Variants in GABRG3 observed in about 807,000 individuals in gnomAD.
GABRG3 encodes gamma-aminobutyric acid type A receptor subunit gamma3, also known as gamma-aminobutyric acid receptor subunit gamma-3.
In GABRG3, 25 loss-of-function variants were observed where a neutral mutation model predicts 48.8. The observed-to-expected ratio is 0.51, with a 90% CI of 0.37 to 0.72. The LOEUF is 0.72. GABRG3 is among the 30% of genes least tolerant of loss of function. The pLI is 0.00. For synonymous variants in GABRG3, 227 were observed against 217.6 expected (o/e 1.04, Z -0.38); for missense variants, 394 against 577.9 (o/e 0.68, Z 3.26).
chr15:27,216,733 C>CTTTTTTTTTT (rs200517386), intron 3 of GABRG3, among the ~76,000 whole-genome samples: 2 of 103,894 alleles, frequency 1.9e-5, no homozygotes, highest in Admixed American at 9.5e-5. Context: ...CAATTCATTT[C>CTTTTTTTTTT]TTTTTTTTTT....
chr15:27,017,841 G>T (rs958957380), intron 2 of GABRG3, among the ~76,000 whole-genome samples: 1 of 152,162 alleles, frequency 6.6e-6, no homozygotes, highest in Non-Finnish European at 1.5e-5. Context: ...AGGGTCTGGG[G>T]CTTTCTACTC....
chr15:27,127,621 T>C (rs189667456), intron 3 of GABRG3, among the ~76,000 whole-genome samples: 2 of 152,264 alleles, frequency 1.3e-5, no homozygotes, highest in Admixed American at 6.5e-5. Flanking sequence ...ACGAACAGAA[T>C]GCCAGCCCCC....
intron 5 of GABRG3, among the ~76,000 whole-genome samples, chr15:27,405,445 G>C (rs1310506280): frequency 1.3e-5 from 2 of 152,188 alleles, no homozygotes; most frequent in Admixed American, 1.3e-4. Flanking sequence ...TATTTGTTAA[G>C]TGTGGGGGGT....
intron 5 of GABRG3, among the ~76,000 whole-genome samples, chr15:27,388,612 G>T (rs571762105): frequency 6.6e-6 from 1 of 152,172 alleles, no homozygotes; most frequent in African/African-American, 2.4e-5. Context: ...TCAAAGAGCT[G>T]TGGGGTGCTG....
At chr15:27,409,076 T>C (rs1355418094) in intron 5 of GABRG3, among the ~76,000 whole-genome samples, 1 of 152,140 alleles carries the variant, frequency 6.6e-6, no homozygotes, top group Non-Finnish European at 1.5e-5. Flanking sequence ...TTTATCCTAA[T>C]ACCAGGGTTT....
At chr15:27,016,042 A>G (rs1013976033) in intron 2 of GABRG3, among the ~76,000 whole-genome samples, 5 of 152,048 alleles carry the variant, frequency 3.3e-5, no homozygotes, top group African/African-American at 4.8e-5. Context: ...TTTTATAATT[A>G]CTTTTTATGC....
chr15:27,484,000 T>A (rs1213479732), intron 6 of GABRG3, among the ~76,000 whole-genome samples: 2 of 152,152 alleles, frequency 1.3e-5, no homozygotes, highest in Non-Finnish European at 2.9e-5. Context: ...AATGGCACGA[T>A]CTCGACTCAC....
intron 5 of GABRG3, among the ~76,000 whole-genome samples, chr15:27,479,944 G>A (rs1483989137): frequency 2.6e-5 from 4 of 152,230 alleles, no homozygotes; most frequent in Admixed American, 1.3e-4. Flanking sequence ...TAGAAAAGCA[G>A]GCATCTGGCA....
chr15:27,381,517 T>C (rs1303764337), intron 5 of GABRG3, among the ~76,000 whole-genome samples: 3 of 152,228 alleles, frequency 2.0e-5, no homozygotes, highest in Non-Finnish European at 4.4e-5. Context: ...AGTTTAGGTT[T>C]TCTCACCCCA....
chr15:27,191,645 C>T (rs1888311948), intron 3 of GABRG3, among the ~76,000 whole-genome samples: 1 of 152,150 alleles, frequency 6.6e-6, no homozygotes. Context: ...TTCCTGAATA[C>T]AACACACTGA....
chr15:27,526,794 C>G (rs1891286497), intron 7 of GABRG3, among the ~76,000 whole-genome samples: 1 of 152,144 alleles, frequency 6.6e-6, no homozygotes. Context: ...TTAAATGCCT[C>G]AAATGTGCTA....
intron 2 of GABRG3, among the ~76,000 whole-genome samples, chr15:27,011,806 C>G (rs1227795380): frequency 6.6e-6 from 1 of 150,438 alleles, no homozygotes; most frequent in Admixed American, 6.6e-5. Context: ...AGAGATCATG[C>G]CACTGTACTC....
intron 3 of GABRG3, among the ~76,000 whole-genome samples, chr15:27,164,054 A>G (rs1475649336): frequency 6.6e-6 from 1 of 152,244 alleles, no homozygotes; most frequent in Non-Finnish European, 1.5e-5. Flanking sequence ...CACATAGAAT[A>G]AATTAGAATG....
chr15:26,989,542 CA>C (rs1255482405), intron 2 of GABRG3, among the ~76,000 whole-genome samples: 1 of 152,108 alleles, frequency 6.6e-6, no homozygotes, highest in Non-Finnish European at 1.5e-5. Flanking sequence ...GTACATGAGA[CA>C]TTTTGGTACA....
At chr15:27,202,959 A>G (rs1248323028) in intron 3 of GABRG3, among the ~76,000 whole-genome samples, 2 of 152,144 alleles carry the variant, frequency 1.3e-5, no homozygotes, top group African/African-American at 4.8e-5. Flanking sequence ...TAACGGTTAC[A>G]CAGTACTTCT....
intron 3 of GABRG3, among the ~76,000 whole-genome samples, chr15:27,167,232 T>C (rs904610936): frequency 1.3e-5 from 2 of 152,206 alleles, no homozygotes; most frequent in Non-Finnish European, 2.9e-5. Context: ...ATGGGCCCCC[T>C]GATTCTTTTC....
chr15:27,094,593 G>A (rs1451017117), intron 3 of GABRG3, among the ~76,000 whole-genome samples: 2 of 152,194 alleles, frequency 1.3e-5, no homozygotes, highest in African/African-American at 2.4e-5. Context: ...GAGGGAAGCA[G>A]TTCTGCAGGG....
intron 3 of GABRG3, among the ~76,000 whole-genome samples, chr15:27,316,867 A>T (rs558401663): frequency 6.6e-5 from 10 of 152,204 alleles, no homozygotes; most frequent in African/African-American, 2.4e-4. Flanking sequence ...TTCCAAATTA[A>T]ATGCTCTTCT....
rs563745848 is a variant in GABRG3 at position 27,492,206 on chromosome 15, A to G, written c.712+11419A>G. ...CAGCCCCCAATTCTAATGAGGACTT[A>G]GAGCCACAGACTTGGCTTAGAATTC... On this transcript the variant is annotated intron_variant, in intron 6 of 9. Coordinates refer to ENST00000615808, the MANE Select transcript of GABRG3 (RefSeq NM_033223.5). Among the ~76,000 whole-genome samples the G allele has an allele frequency of 1.4e-4, 22 of 152,332 alleles. No homozygotes were observed. The South Asian group carries it at 3.7e-3, about 26-fold the overall frequency.
Sources: allele counts gnomAD v4.1 joint callset (sites outside exome capture counted in the v4.1 genomes callset), GRCh38; gene constraint gnomAD v4.1.1; transcripts MANE v1.5; gene names NCBI Gene and HGNC (gene_info 2026-07-23, HGNC 2026-07-21).